The following ABCG8 variants were observed in gnomAD, a reference collection of about 807,000 sequenced individuals.
The protein encoded by ABCG8 is ATP-binding cassette sub-family G member 8.
In ABCG8, 81 loss-of-function variants were observed where a neutral mutation model predicts 71.3. The observed-to-expected ratio is 1.14, with a 90% CI of 0.95 to 1.37. The LOEUF is 1.37. ABCG8 is among the 40% of genes most tolerant of loss of function. The probability of loss-of-function intolerance (pLI) is 0.00; values close to 1 mark genes in which losing one functional copy is unlikely to be tolerated. For missense variants in ABCG8, 1,119 were observed against 866.2 expected, an observed-to-expected ratio of 1.29 and a Z score of -3.66; for synonymous variants, 451 against 354.7, an observed-to-expected ratio of 1.27 and a Z score of -3.05.
chr2:43,865,716 T>G (rs1178913909), intron 6 of ABCG8, among the ~76,000 whole-genome samples: 5 of 152,042 alleles, frequency 3.3e-5, no homozygotes, highest in Non-Finnish European at 7.4e-5. Context: ...TGGATAGAAC[T>G]CTCACTGTCT....
At chr2:43,864,526 G>C (rs935132544) in intron 6 of ABCG8, among the ~76,000 whole-genome samples, 16 of 151,390 alleles carry the variant, frequency 1.1e-4, no homozygotes, top group South Asian at 4.2e-4. Context: ...CTCACCATCT[G>C]TCTGGGTAGA....
chr2:43,851,914 G>C lies in ABCG8; in HGVS notation c.561+92G>C, dbSNP rs564385854. On this transcript the variant is annotated intron_variant, in intron 4 of 12. Transcript: ENST00000272286. ...CCCTGCTGCCTTGCCTCAGGACCCAGCCGCAGGTCGAGTTTGAACAACTCA... is the reference window on the plus strand; with the variant it reads ...CCCTGCTGCCTTGCCTCAGGACCCACCCGCAGGTCGAGTTTGAACAACTCA... The C allele has an allele frequency of 4.9e-6, 7 of 1,419,876 alleles. No homozygotes were observed. The East Asian group carries it at 1.4e-4, about 28-fold the overall frequency. The allele number at this position is 1,419,876 out of a possible 1,614,324, so 88.0% of individuals were successfully genotyped here.
rs780067780 is a variant in ABCG8, at chr2:43,877,822, A to G, written c.1931A>G (p.Tyr644Cys). 6.2e-7 allele frequency: 1 copy of G among 1,614,052 alleles called. No homozygotes were observed. Among genetic ancestry groups the G allele is most frequent in the Non-Finnish European group, 8.5e-7 (1 of 1,179,996 alleles). ...ELDSYPLYAI[Y>C]LIVIGLSGGF... Reference sequence around the variant, plus strand: ...GACTCGTACCCTCTCTACGCCATCTACCTCATCGTCATTGGCCTCAGCGGT... The same window carrying G: ...GACTCGTACCCTCTCTACGCCATCTGCCTCATCGTCATTGGCCTCAGCGGT... The change falls in exon 13 of 13, where the codon TAC (tyrosine) becomes TGC (cysteine). Residue 644 changes from tyrosine (Y) to cysteine (C), a missense_variant. Transcript: ENST00000272286.
rs1669001125 is a variant in ABCG8, at chr2:43,853,630, TCTC to T, written c.964+765_964+767del. On this transcript the variant is annotated intron_variant, in intron 6 of 12. Coordinates refer to ENST00000272286, the MANE Select transcript of ABCG8 (RefSeq NM_022437.3). ...CCAGTAAACAGGACAACAGCGATCA[TCTC>T]CTTGAAGGCAAACATGGGGCCCAAA... Among the ~76,000 whole-genome samples, 3 of 152,036 alleles carry T rather than the reference TCTC, an allele frequency of 2.0e-5. No individual in the cohort carries two copies. In the South Asian group the frequency reaches 6.2e-4, roughly 32 times the overall value.
intron 6 of ABCG8, among the ~76,000 whole-genome samples, chr2:43,869,361 C>T (rs1490060964): frequency 2.0e-5 from 3 of 152,158 alleles, no homozygotes; most frequent in Non-Finnish European, 4.4e-5. Flanking sequence ...ATAGAACTCT[C>T]ACTATCTGGA....
At position 43,882,019 on chromosome 2, in the gene ABCG8, G is replaced by A. The variant is rs2954805; in HGVS notation, c.*4106G>A. ...GCAGGTTGCTAGATTTGACCTGAGG[G>A]TGTAGTTTGCAGAGCCTTGGTAAAG... On this transcript the variant is annotated 3_prime_UTR_variant, in exon 13 of 13. Transcript: ENST00000272286. 2.6e-5 allele frequency: 4 copies of A among 151,978 alleles called. No individual in the cohort carries two copies. Among genetic ancestry groups the A allele is most frequent in the African/African-American group, 9.7e-5 (4 of 41,332 alleles). The allele number at this position is 151,978 out of a possible 1,614,324, so 9.4% of individuals were successfully genotyped here. A position where few individuals can be genotyped will look rare whatever the true frequency, so the allele number is the denominator to read the frequency against.
chr2:43,848,479 T>C (rs1209625378), intron 3 of ABCG8: 1 of 152,236 alleles, frequency 6.6e-6, no homozygotes, highest in Non-Finnish European at 1.5e-5. Flanking sequence ...CTTAAGAGAA[T>C]ATACTGCTAA....
chr2:43,851,553 G>T (rs368514874), intron 3 of ABCG8, 31 bp from the exon 4 acceptor site: 17 of 1,612,310 alleles, frequency 1.1e-5, no homozygotes, highest in Non-Finnish European at 1.4e-5. Context: ...CAGAAGCTCC[G>T]CTCTCAGGGA....
intron 3 of ABCG8, among the ~76,000 whole-genome samples, chr2:43,850,307 G>T (rs1051305838): frequency 2.0e-5 from 3 of 152,146 alleles, no homozygotes; most frequent in Non-Finnish European, 4.4e-5. Flanking sequence ...AGCCCAATCC[G>T]CATTCATAGC....
intron 4 of ABCG8, 26 bp downstream of exon 4, chr2:43,851,848 C>T (rs747275912): frequency 6.2e-7 from 1 of 1,611,358 alleles, no homozygotes; most frequent in Non-Finnish European, 8.5e-7. Flanking sequence ...CAGTGGTGAC[C>T]CCCAGGTCCA....
At chr2:43,877,170 C>A (rs1265374751) in intron 11 of ABCG8, among the ~76,000 whole-genome samples, 1 of 142,802 alleles carries the variant, frequency 7.0e-6, no homozygotes, top group Non-Finnish European at 1.5e-5. Flanking sequence ...ATGGGGAAGA[C>A]CATGTCAATA....
chr2:43,861,739 A>C (rs59481186), intron 6 of ABCG8, among the ~76,000 whole-genome samples: 7,732 of 150,880 alleles, frequency 0.051, 242 homozygotes, highest in Middle Eastern at 0.1. Context: ...ATGTCTCACT[A>C]TCCGGATAGT....
At chr2:43,877,057 ACT>A (rs1669982576) in intron 11 of ABCG8, among the ~76,000 whole-genome samples, 3 of 137,358 alleles carry the variant, frequency 2.2e-5, no homozygotes, top group Admixed American at 7.7e-5. Flanking sequence ...GTATGGGGAG[ACT>A]CTAGTAATAT....
At position 43,878,840 on chromosome 2, in the gene ABCG8, G is replaced by A. The variant is rs1003617274; in HGVS notation, c.*927G>A. The stretch of plus-strand genomic sequence containing the variant: ...TCCCCAAGTGTCAAGGGCGGGACCA[G>A]ATGGAGATAATTGAATCATAGGGGT... On this transcript the variant is annotated 3_prime_UTR_variant, in exon 13 of 13. Coordinates refer to ENST00000272286, the MANE Select transcript of ABCG8 (RefSeq NM_022437.3). 6.6e-6 allele frequency: 1 copy of A among 152,250 alleles called. No homozygotes were observed. The highest frequency in any genetic ancestry group is 1.5e-5 in the Non-Finnish European group (1 of 68,070). The allele number at this position is 152,250 out of a possible 1,614,324, so 9.4% of individuals were successfully genotyped here. A position where few individuals can be genotyped will look rare whatever the true frequency, so the allele number is the denominator to read the frequency against.
chr2:43,863,841 G>T (rs1669424169), intron 6 of ABCG8, among the ~76,000 whole-genome samples: 1 of 151,634 alleles, frequency 6.6e-6, no homozygotes, highest in Non-Finnish European at 1.5e-5. Flanking sequence ...TCTCTGGATA[G>T]AACTCTCACT....
At chr2:43,856,288 C>T (rs1377414601) in intron 6 of ABCG8, among the ~76,000 whole-genome samples, 1 of 151,840 alleles carries the variant, frequency 6.6e-6, no homozygotes, top group Non-Finnish European at 1.5e-5. Flanking sequence ...AATTCTCACT[C>T]TCTGGATAGA....
intron 3 of ABCG8, chr2:43,847,017 C>CACACAG (rs1223024204): frequency 6.5e-6 from 1 of 154,166 alleles, no homozygotes; most frequent in Non-Finnish European, 1.4e-5. Context: ...CACACACACA[C>CACACAG]ACACACACTC....
At chr2:43,876,588 A>G (rs1458830564) in intron 11 of ABCG8, among the ~76,000 whole-genome samples, 1 of 151,812 alleles carries the variant, frequency 6.6e-6, no homozygotes, top group Non-Finnish European at 1.5e-5. Flanking sequence ...CTATGGGAAT[A>G]TGGGGAGATC....
At chr2:43,864,228 C>G (rs72875477) in intron 6 of ABCG8, among the ~76,000 whole-genome samples, 3,570 of 151,316 alleles carry the variant, frequency 0.024, 144 homozygotes, top group African/African-American at 0.082. Context: ...ATAGAACTTT[C>G]ACTATCTGGA....
Sources: gnomAD v4.1 joint callset for allele counts (sites outside exome capture counted in the v4.1 genomes callset) on GRCh38, gnomAD v4.1.1 for gene constraint, MANE v1.5 for transcripts, NCBI Gene and HGNC (gene_info 2026-07-23, HGNC 2026-07-21) for gene names.